Variants in PCDHGA11 observed in about 807,000 individuals in gnomAD.
PCDHGA11 encodes protocadherin gamma-A11.
In PCDHGA11, 39 loss-of-function variants were observed where a neutral mutation model predicts 60.4. The observed-to-expected ratio is 0.65, with a 90% CI of 0.50 to 0.84. The LOEUF is 0.84. Ranked by LOEUF, PCDHGA11 falls within the 40% of genes least tolerant of loss-of-function variation. The pLI, the probability that PCDHGA11 is intolerant of heterozygous loss-of-function variation, is 0.00. For synonymous variants in PCDHGA11, 533 were observed against 510.3 expected (o/e 1.04, Z -0.60); for missense variants, 1,165 against 1,197.7 (o/e 0.97, Z 0.40).
intron 1 of PCDHGA11, among the ~76,000 whole-genome samples, chr5:141,481,731 A>G (rs1339022274): frequency 6.6e-6 from 1 of 152,060 alleles, no homozygotes; most frequent in African/African-American, 2.4e-5. Context: ...AGGCGGGCGG[A>G]TCACGAGGTC....
At chr5:141,484,672 A>G (rs1253641119) in intron 1 of PCDHGA11, among the ~76,000 whole-genome samples, 1 of 151,990 alleles carries the variant, frequency 6.6e-6, no homozygotes, top group African/African-American at 2.4e-5. Flanking sequence ...AGTGGGCCGC[A>G]GGTTGCTAGG....
chr5:141,427,320 G>A (rs920149276), intron 1 of PCDHGA11: 5 of 456,968 alleles, frequency 1.1e-5, no homozygotes, highest in Non-Finnish European at 1.8e-5. Context: ...CCCAGACGTG[G>A]TTTTTACTTC....
At position 141,486,878 on chromosome 5, in the gene PCDHGA11, C is replaced by T. The variant is rs772994346; in HGVS notation, c.2434-7929C>T. ...CAATGCTCCAGCTGTGCTCCGTCCT[C>T]GGGCCCGGCCTGGTTCCTTATGTCC... On this transcript the variant is annotated intron_variant, in intron 1 of 3. Transcript: ENST00000398587. The surrounding 1 kb of genome is among the most constrained non-coding windows in gnomAD (Gnocchi z 5.0). 3.0e-5 allele frequency: 49 copies of T among 1,614,114 alleles called. No homozygotes were observed. The highest frequency in any genetic ancestry group is 4.4e-5 in the South Asian group (4 of 91,088).
At chr5:141,438,633 TATACACACAC>T (rs1369232099) in intron 1 of PCDHGA11, among the ~76,000 whole-genome samples, 454 of 33,892 alleles carry the variant, frequency 0.013, 1 homozygote, top group Non-Finnish European at 0.019. Flanking sequence ...TATATATATA[TATACACACAC>T]ACACACACAT....
chr5:141,430,583 C>A, intron 1 of PCDHGA11: 1 of 490,378 alleles, frequency 2.0e-6, no homozygotes, highest in Non-Finnish European at 3.4e-6. Flanking sequence ...AGATCCTGCT[C>A]GCCTTGCACG....
At chr5:141,500,086 A>G (rs1456179271) in intron 2 of PCDHGA11, among the ~76,000 whole-genome samples, 1 of 151,682 alleles carries the variant, frequency 6.6e-6, no homozygotes, top group Non-Finnish European at 1.5e-5. Flanking sequence ...TCCATCTTCC[A>G]TTTTTGCAAT....
intron 1 of PCDHGA11, among the ~76,000 whole-genome samples, chr5:141,460,252 A>T (rs1342135416): frequency 6.6e-6 from 1 of 151,974 alleles, no homozygotes; most frequent in African/African-American, 2.4e-5. Flanking sequence ...AATTTTGATA[A>T]AGCCCAATTT....
At position 141,476,318 on chromosome 5, in the gene PCDHGA11, G is replaced by A. The variant is rs767809530; in HGVS notation, c.2434-18489G>A. ...TAGCCTCTCAGCCCGCAGGTTCCGG[G>A]TGGTGTCTGGAGCTAGCCGAAGATT... is the stretch of plus-strand genomic sequence containing the variant. On this transcript the variant is annotated intron_variant, in intron 1 of 3. Coordinates refer to ENST00000398587, the MANE Select transcript of PCDHGA11 (RefSeq NM_018914.3). This position sits in a 1 kb window ranked among gnomAD's most constrained non-coding sequence, Gnocchi z 7.6. The A allele has an allele frequency of 6.2e-6, 10 of 1,614,084 alleles. No homozygotes were observed. Among genetic ancestry groups the A allele is most frequent in the Non-Finnish European group, 7.6e-6 (9 of 1,180,060 alleles).
Position 141,490,226 on chromosome 5 carries a change from C to T in PCDHGA11, c.2434-4581C>T. On this transcript the variant is annotated intron_variant, in intron 1 of 3. Coordinates refer to ENST00000398587, the MANE Select transcript of PCDHGA11 (RefSeq NM_018914.3). This position sits in a 1 kb window ranked among gnomAD's most constrained non-coding sequence, Gnocchi z 5.4. ...AGAGCCCGTGACCAGGGACAGCCTG[C>T]CATGGAGGGCCACTGTGTGATTCAA... The T allele has an allele frequency of 6.2e-7, 1 of 1,614,168 alleles. No homozygotes were observed. Among genetic ancestry groups the T allele is most frequent in the Non-Finnish European group, 8.5e-7 (1 of 1,180,020 alleles).
chr5:141,433,401 A>ATCTATCTATCTATCTC (rs1444244130), intron 1 of PCDHGA11, among the ~76,000 whole-genome samples: 1 of 150,482 alleles, frequency 6.6e-6, no homozygotes, highest in African/African-American at 2.4e-5. Context: ...CTATCTATCT[A>ATCTATCTATCTATCTC]TCTATTACTT....
rs1157645386 is a variant in PCDHGA11 at position 141,477,622 on chromosome 5, A to C, written c.2434-17185A>C. On this transcript the variant is annotated intron_variant, in intron 1 of 3. Coordinates refer to ENST00000398587, the MANE Select transcript of PCDHGA11 (RefSeq NM_018914.3). This position sits in a 1 kb window ranked among gnomAD's most constrained non-coding sequence, Gnocchi z 4.9. ...TCTTTCTCTTGGAGCAAGGAGCTGA[A>C]ACCGGGCTAGTGGGTCGCTATTTCA... 1 of 1,614,108 alleles carries C rather than the reference A, an allele frequency of 6.2e-7. No homozygotes were observed. The highest frequency in any genetic ancestry group is 2.2e-5 in the East Asian group (1 of 44,904).
chr5:141,433,849 A>C (rs116534867), intron 1 of PCDHGA11, among the ~76,000 whole-genome samples: 2,948 of 152,020 alleles, frequency 0.019, 43 homozygotes, highest in African/African-American at 0.028. Context: ...AAAAAAAAAA[A>C]AAAAAACTTT....
chr5:141,448,135 TA>T (rs2098567569), intron 1 of PCDHGA11, among the ~76,000 whole-genome samples: 1 of 151,880 alleles, frequency 6.6e-6, no homozygotes, highest in South Asian at 2.1e-4. Flanking sequence ...CCACCCTCAC[TA>T]TACCTCAGAC....
intron 1 of PCDHGA11, chr5:141,427,571 G>T (rs1199845374): frequency 9.1e-6 from 6 of 662,944 alleles, no homozygotes; most frequent in Non-Finnish European, 1.7e-5. Context: ...GCAAGCCTCC[G>T]CTCTCATCCA....
In PCDHGA11 at chr5:141,422,647, T is replaced by G. The variant is rs773990745; in HGVS notation, c.1420T>G (p.Ser474Ala). 2.5e-6 allele frequency: 4 copies of G among 1,611,858 alleles called. No individual in the cohort carries two copies. In the South Asian group the frequency reaches 4.4e-5, roughly 18 times the overall value. The change falls in exon 1 of 4, where the codon TCA (serine) becomes GCA (alanine). Residue 474 changes from serine (S) to alanine (A), a missense_variant. Ser to Ala is a moderately conservative substitution (Grantham distance 99, BLOSUM62 1). Transcript: ENST00000398587. ...ENNPRGASIF[S>A]VTALDPDSKQ... ...CAACCCCAGGGGTGCCTCCATCTTC[T>G]CAGTGACCGCCCTCGACCCGGACAG...
rs774780380 is a variant in PCDHGA11 at position 141,432,864 on chromosome 5, G to C, written c.2433+9204G>C. Reference sequence around the variant, plus strand: ...GTGGTAGCGGTGGCCGCGGTCTCCTGCGTCTTCCTGGCCTTCGTCATCTTG... The same window carrying C: ...GTGGTAGCGGTGGCCGCGGTCTCCTCCGTCTTCCTGGCCTTCGTCATCTTG... On this transcript the variant is annotated intron_variant, in intron 1 of 3. Coordinates refer to ENST00000398587, the MANE Select transcript of PCDHGA11 (RefSeq NM_018914.3). The surrounding 1 kb of genome is among the most constrained non-coding windows in gnomAD (Gnocchi z 6.0). 6.2e-7 allele frequency: 1 copy of C among 1,614,168 alleles called. No homozygotes were observed.
intron 1 of PCDHGA11, among the ~76,000 whole-genome samples, chr5:141,444,000 A>T (rs2098413157): frequency 6.6e-6 from 1 of 152,070 alleles, no homozygotes; most frequent in African/African-American, 2.4e-5. Context: ...TTTAAATGCT[A>T]CCTGGGTATT....
At position 141,489,358 on chromosome 5, in the gene PCDHGA11, G is replaced by A; in HGVS notation, c.2434-5449G>A. On this transcript the variant is annotated intron_variant, in intron 1 of 3. Transcript: ENST00000398587. This position sits in a 1 kb window ranked among gnomAD's most constrained non-coding sequence, Gnocchi z 4.5. ...TCGTTACTCAGTGGTGGAGGAGTCT[G>A]AGCCGGGGACGCTGGTGGGGAATGT... 1 of 1,613,144 alleles carries A rather than the reference G, an allele frequency of 6.2e-7. No individual in the cohort carries two copies. The highest frequency in any genetic ancestry group is 8.5e-7 in the Non-Finnish European group (1 of 1,179,278).
chr5:141,495,943 CTGT>C (rs1324780860), intron 2 of PCDHGA11, among the ~76,000 whole-genome samples: 1 of 152,010 alleles, frequency 6.6e-6, no homozygotes, highest in Non-Finnish European at 1.5e-5. Flanking sequence ...GTCTCTGTGC[CTGT>C]TGTCTTTTTC....
Sources: allele counts gnomAD v4.1 joint callset (sites outside exome capture counted in the v4.1 genomes callset), GRCh38; gene constraint gnomAD v4.1.1; non-coding constraint Gnocchi (gnomAD v3.1); transcripts MANE v1.5; gene names NCBI Gene and HGNC (gene_info 2026-07-23, HGNC 2026-07-21).